ARFIP1: variants seen among roughly 807,000 people sequenced by gnomAD.
ARFIP1 encodes arfaptin-1.
A neutral mutation model predicts 42.5 loss-of-function variants in ARFIP1; 24 were observed. The observed-to-expected ratio is 0.57, with a 90% CI of 0.41 to 0.80. The LOEUF is 0.80. Among genes scored for constraint, ARFIP1 ranks in the 30% least tolerant of loss-of-function variants. The probability of loss-of-function intolerance (pLI) is 0.00; values close to 1 mark genes in which losing one functional copy is unlikely to be tolerated. For synonymous variants in ARFIP1, 141 were observed against 153.7 expected, an observed-to-expected ratio of 0.92 and a Z score of 0.61; for missense variants, 354 against 434.0, an observed-to-expected ratio of 0.82 and a Z score of 1.64.
chr4:152,910,155 A>ACAGACACTTAT lies in ARFIP1; in HGVS notation c.1058_1059insCAGACACTTAT (p.Lys353AsnfsTer11). ...CAGAAGCAGCTTGAACAGACACTTA[A>ACAGACACTTAT]ACAGTTCCATATCAAATTGAAAACC... On this transcript the variant is annotated frameshift_variant, in exon 9 of 9. Coordinates refer to ENST00000353617, the MANE Select transcript of ARFIP1 (RefSeq NM_001025595.3). LOFTEE classifies it high-confidence loss of function. 6.2e-7 allele frequency: 1 copy of ACAGACACTTAT among 1,614,180 alleles called. No individual in the cohort carries two copies. Among genetic ancestry groups the ACAGACACTTAT allele is most frequent in the African/African-American group, 1.3e-5 (1 of 75,052 alleles).
intron 7 of ARFIP1, among the ~76,000 whole-genome samples, chr4:152,887,774 C>T (rs1736384753): frequency 6.6e-6 from 1 of 152,158 alleles, no homozygotes; most frequent in African/African-American, 2.4e-5. Flanking sequence ...AGTCTGCTGT[C>T]CTTACCTGCT....
At chr4:152,815,544 A>G (rs1034204476) in intron 1 of ARFIP1, among the ~76,000 whole-genome samples, 4 of 152,270 alleles carry the variant, frequency 2.6e-5, no homozygotes, top group Admixed American at 2.6e-4. Context: ...GATATGTCCT[A>G]AACTAAATTC....
chr4:152,860,990 A>T (rs1304138044), intron 2 of ARFIP1, among the ~76,000 whole-genome samples: 2 of 152,208 alleles, frequency 1.3e-5, no homozygotes, highest in Non-Finnish European at 2.9e-5. Flanking sequence ...AATTTAATTG[A>T]ACCAAATTGG....
chr4:152,854,391 CTA>C (rs1561144257), intron 2 of ARFIP1, among the ~76,000 whole-genome samples: 1 of 152,094 alleles, frequency 6.6e-6, no homozygotes, highest in Non-Finnish European at 1.5e-5. Context: ...TGATTTCTCT[CTA>C]TTGTTTTTCA....
intron 8 of ARFIP1, among the ~76,000 whole-genome samples, chr4:152,890,907 C>T (rs1276145641): frequency 6.6e-6 from 1 of 152,152 alleles, no homozygotes; most frequent in Non-Finnish European, 1.5e-5. Flanking sequence ...ATGTCTTCGT[C>T]TTTTTGGGCT....
At chr4:152,884,112 TCC>T (rs1736078875) in intron 7 of ARFIP1, among the ~76,000 whole-genome samples, 1 of 152,018 alleles carries the variant, frequency 6.6e-6, no homozygotes, top group Admixed American at 6.6e-5. Flanking sequence ...GATGCTTCTG[TCC>T]CATACCATGT....
At chr4:152,796,199 G>C (rs1731459173) in intron 1 of ARFIP1, 2 of 790,530 alleles carry the variant, frequency 2.5e-6, no homozygotes, top group East Asian at 4.9e-5. Context: ...ACAGTCTTTA[G>C]TAATAACACC....
intron 2 of ARFIP1, among the ~76,000 whole-genome samples, chr4:152,847,228 G>A (rs758573354): frequency 3.5e-5 from 5 of 141,914 alleles, no homozygotes; most frequent in Non-Finnish European, 6.0e-5. Flanking sequence ...CGCCTCCCAG[G>A]TTCAAGCTGT....
intron 1 of ARFIP1, among the ~76,000 whole-genome samples, chr4:152,792,516 A>G (rs948194550): frequency 6.6e-6 from 1 of 152,182 alleles, no homozygotes; most frequent in Non-Finnish European, 1.5e-5. Context: ...ACCACCTGTT[A>G]TATGAGTACC....
intron 1 of ARFIP1, among the ~76,000 whole-genome samples, chr4:152,828,331 G>C (rs1005141393): frequency 1.3e-5 from 2 of 152,252 alleles, no homozygotes; most frequent in Non-Finnish European, 2.9e-5. Flanking sequence ...CCTTCTAGCA[G>C]TGAGTGAGAG....
chr4:152,839,337 A>G (rs1446317318), intron 2 of ARFIP1, among the ~76,000 whole-genome samples: 5 of 152,132 alleles, frequency 3.3e-5, no homozygotes, highest in Admixed American at 2.0e-4. Flanking sequence ...CTCTTATGGA[A>G]TAGTGTCAAA....
chr4:152,824,491 A>T (rs1043735395), intron 1 of ARFIP1, among the ~76,000 whole-genome samples: 8 of 152,202 alleles, frequency 5.3e-5, no homozygotes, highest in African/African-American at 1.9e-4. Context: ...AAAATTCAGC[A>T]TCCCTTTATG....
At chr4:152,831,719 A>G (rs1235698137) in intron 2 of ARFIP1, among the ~76,000 whole-genome samples, 1 of 152,136 alleles carries the variant, frequency 6.6e-6, no homozygotes, top group Admixed American at 6.5e-5. Flanking sequence ...TTCACTCAAC[A>G]TTATGTCTGT....
At chr4:152,858,316 A>G (rs1041788527) in intron 2 of ARFIP1, among the ~76,000 whole-genome samples, 2 of 152,152 alleles carry the variant, frequency 1.3e-5, no homozygotes, top group Non-Finnish European at 2.9e-5. Flanking sequence ...AAATAAGTAA[A>G]TAAATAATTT....
intron 1 of ARFIP1, among the ~76,000 whole-genome samples, chr4:152,815,822 G>A (rs111483887): frequency 7.2e-6 from 1 of 139,798 alleles, no homozygotes; most frequent in Admixed American, 7.9e-5. Flanking sequence ...TCGGCTCACT[G>A]CAAGCTCCGC....
chr4:152,867,651 T>C (rs1578969612), intron 3 of ARFIP1, among the ~76,000 whole-genome samples: 1 of 152,182 alleles, frequency 6.6e-6, no homozygotes, highest in Non-Finnish European at 1.5e-5. Flanking sequence ...TATAATGGTA[T>C]TATACAATAA....
At chr4:152,866,457 G>A (rs1473226527) in intron 3 of ARFIP1, among the ~76,000 whole-genome samples, 3 of 151,358 alleles carry the variant, frequency 2.0e-5, no homozygotes, top group African/African-American at 4.9e-5. Context: ...GGGCAGAGGC[G>A]CCCCTCACCT....
chr4:152,781,567 A>G (rs1223319924), intron 1 of ARFIP1, among the ~76,000 whole-genome samples: 1 of 152,102 alleles, frequency 6.6e-6, no homozygotes, highest in Non-Finnish European at 1.5e-5. Context: ...GTTCTCTCAG[A>G]GCGGCTACAG....
chr4:152,892,520 T>C (rs1171000896), intron 8 of ARFIP1, among the ~76,000 whole-genome samples: 1 of 152,178 alleles, frequency 6.6e-6, no homozygotes, highest in African/African-American at 2.4e-5. Flanking sequence ...TAGCATTTAG[T>C]GTTTTTCTTT....
Sources: allele counts gnomAD v4.1 joint callset (sites outside exome capture counted in the v4.1 genomes callset), GRCh38; gene constraint gnomAD v4.1.1; transcripts MANE v1.5; gene names NCBI Gene and HGNC (gene_info 2026-07-23, HGNC 2026-07-21).